MRI1: variants seen among roughly 807,000 people sequenced by gnomAD.
MRI1 encodes methylthioribose-1-phosphate isomerase.
In MRI1, 32 loss-of-function variants were observed where a neutral mutation model predicts 27.3. The observed-to-expected ratio is 1.17, with a 90% CI of 0.88 to 1.57. The LOEUF (loss-of-function observed/expected upper bound fraction) is 1.57, where lower values mean the gene tolerates loss of function less well. MRI1 is among the 40% of genes most tolerant of loss of function. MRI1 has a pLI of 0.00. For missense variants in MRI1, 508 were observed against 516.1 expected (o/e 0.98, Z 0.15); for synonymous variants, 216 against 227.4 (o/e 0.95, Z 0.45).
intron 3 of MRI1, among the ~76,000 whole-genome samples, chr19:13,768,013 T>C (rs1343990526): frequency 6.6e-6 from 1 of 151,616 alleles, no homozygotes; most frequent in African/African-American, 2.4e-5. Flanking sequence ...GGACTACAGG[T>C]GCCCGCCACC....
chr19:13,764,601 G>A lies in MRI1; in HGVS notation c.13G>A (p.Ala5Thr). 1 of 1,609,248 alleles carries A rather than the reference G, an allele frequency of 6.2e-7. No homozygotes were observed. Among genetic ancestry groups the A allele is most frequent in the Non-Finnish European group, 8.5e-7 (1 of 1,179,138 alleles). MTLE[A>T]IRYSRGSLQI... ...TGGCTGCTGCACCATGACCCTGGAG[G>A]CGATCCGCTACTCGCGGGGCTCCCT... The change falls in exon 1 of 6, where the codon GCG becomes ACG. Residue 5 changes from alanine (A) to threonine (T), a missense_variant. This residue lies in a region of MRI1 where 32 missense variants were observed against 20.2 expected (regional missense o/e 1.58). Coordinates refer to ENST00000040663, the MANE Select transcript of MRI1 (RefSeq NM_001031727.4).
At chr19:13,771,978 C>A in intron 5 of MRI1, 143 bp from the exon 6 acceptor site, 1 of 687,514 alleles carries the variant, frequency 1.5e-6, no homozygotes, top group Non-Finnish European at 2.5e-6. Context: ...TCCATGCCTG[C>A]ATGTACTTTT....
rs1048357422 is a variant in MRI1, at chr19:13,774,142, T to G, written c.*1861T>G. The G allele has an allele frequency of 2.6e-5, 6 of 234,848 alleles. No individual in the cohort carries two copies. The highest frequency in any genetic ancestry group is 4.9e-5 in the Non-Finnish European group (6 of 122,634). 14.5% of individuals were successfully genotyped at this position (234,848 alleles called of 1,614,324 possible). On this transcript the variant is annotated 3_prime_UTR_variant, in exon 6 of 6. Coordinates refer to ENST00000040663, the MANE Select transcript of MRI1 (RefSeq NM_001031727.4). ...AAAATATTGTTTACTATTACCAAAG[T>G]TTTTGAACCTTCTTAAATTCTGTAC...
rs1287103139 is a variant in MRI1, at chr19:13,766,145, CAG to C, written c.547+17_547+18del. ...ACAGCCCTAGGTGAGAGGGCCTCCT[CAG>C]GGGGTAGGGGAGGGCCTTCTAGGAA... On this transcript the variant is annotated intron_variant, in intron 3 of 5. Coordinates refer to ENST00000040663, the MANE Select transcript of MRI1 (RefSeq NM_001031727.4). 2.6e-6 allele frequency: 4 copies of C among 1,519,102 alleles called. No homozygotes were observed. The highest frequency in any genetic ancestry group is 1.3e-5 in the South Asian group (1 of 78,982). The allele number at this position is 1,519,102 out of a possible 1,614,324, so 94.1% of individuals were successfully genotyped here.
chr19:13,770,509 C>T (rs1946534986), intron 5 of MRI1, among the ~76,000 whole-genome samples: 1 of 151,778 alleles, frequency 6.6e-6, no homozygotes, highest in Admixed American at 6.6e-5. Context: ...ATTGCTTGAA[C>T]CTAGGACGCA....
At position 13,772,550 on chromosome 19, in the gene MRI1, C is replaced by T. The variant is rs1388702817; in HGVS notation, c.*269C>T. 2.7e-5 allele frequency: 8 copies of T among 294,626 alleles called. No homozygotes were observed. Among genetic ancestry groups the T allele is most frequent in the Middle Eastern group, 7.7e-4 (2 of 2,586 alleles). The allele number at this position is 294,626 out of a possible 1,614,324, so 18.3% of individuals were successfully genotyped here. ...CATTTATAAAATGTGGATAACAGGC[C>T]GGGCGCAGTGGCTCACACCTGTAAT... On this transcript the variant is annotated 3_prime_UTR_variant, in exon 6 of 6. Transcript: ENST00000040663.
rs567694623 is a variant in MRI1 at position 13,771,425 on chromosome 19, G to A, written c.950-696G>A. ...GCACATCTGTGGTCCCAGCTGCTCAGGAGGCTGCAGCAGGAGAATCGTTTG... is the reference window on the plus strand; with the variant it reads ...GCACATCTGTGGTCCCAGCTGCTCAAGAGGCTGCAGCAGGAGAATCGTTTG... On this transcript the variant is annotated intron_variant, in intron 5 of 5. Transcript: ENST00000040663. Among the ~76,000 whole-genome samples, 3 of 152,210 alleles carry A rather than the reference G, an allele frequency of 2.0e-5. No individual in the cohort carries two copies. The South Asian group carries it at 6.2e-4, about 32-fold the overall frequency.
Position 13,773,293 on chromosome 19 carries a change from C to A in MRI1, c.*1012C>A, listed in dbSNP as rs1022065856. On this transcript the variant is annotated 3_prime_UTR_variant, in exon 6 of 6. Transcript: ENST00000040663. Reference sequence around the variant, plus strand: ...AAAGTGCTGGGACTACAGGCATGAGCCACTGTGCCTGACCTTACAGCAGTA... The same window carrying A: ...AAAGTGCTGGGACTACAGGCATGAGACACTGTGCCTGACCTTACAGCAGTA... 2.0e-5 allele frequency: 3 copies of A among 152,142 alleles called. No homozygotes were observed. Among genetic ancestry groups the A allele is most frequent in the Admixed American group, 2.0e-4 (3 of 15,290 alleles). The allele number at this position is 152,142 out of a possible 1,614,324, so 9.4% of individuals were successfully genotyped here.
At chr19:13,767,118 C>T (rs80346234) in intron 3 of MRI1, among the ~76,000 whole-genome samples, 21,528 of 135,876 alleles carry the variant, frequency 0.16, 2,045 homozygotes, top group East Asian at 0.24. Context: ...ATGATCTCAG[C>T]TTACTACAAC....
Position 13,766,019 on chromosome 19 carries a change from T to G in MRI1, c.437T>G (p.Leu146Arg). 1 of 1,613,300 alleles carries G rather than the reference T, an allele frequency of 6.2e-7. No homozygotes were observed. Among genetic ancestry groups the G allele is most frequent in the Non-Finnish European group, 8.5e-7 (1 of 1,179,836 alleles). Reference protein sequence around the residue: ...DLRDNRSIGDLGARHLLERVA... With the variant: ...DLRDNRSIGDRGARHLLERVA... ...AGAGACAACCGAAGCATTGGGGACCTAGGAGCCCGCCACCTCCTGGAGCGG... is the reference window on the plus strand; with the variant it reads ...AGAGACAACCGAAGCATTGGGGACCGAGGAGCCCGCCACCTCCTGGAGCGG... The change falls in exon 3 of 6, where the codon CTA becomes CGA. Residue 146 changes from leucine (L) to arginine (R), a missense_variant. Around this residue, in one of 3 missense-constraint regions of MRI1, gnomAD observed 457 missense variants for 452.8 expected, o/e 1.01. Transcript: ENST00000040663.
chr19:13,768,944 G>A lies in MRI1; in HGVS notation c.845G>A (p.Ser282Asn). ...HGIPFYVAAP[S>N]SSCDLRLETG... ...ATTCCCTTCTACGTGGCTGCCCCCA[G>A]CTCTTCATGTGACCTCCGTCTGGAG... The change falls in exon 5 of 6, where the codon AGC (serine) becomes AAC (asparagine). Residue 282 changes from serine (S) to asparagine (N), a missense_variant. Ser to Asn is a conservative substitution (Grantham distance 46). This residue lies in a region of MRI1 where 457 missense variants were observed against 452.8 expected (regional missense o/e 1.01). Coordinates refer to ENST00000040663, the MANE Select transcript of MRI1 (RefSeq NM_001031727.4). 1 of 1,614,136 alleles carries A rather than the reference G, an allele frequency of 6.2e-7. No individual in the cohort carries two copies. The highest frequency in any genetic ancestry group is 1.7e-5 in the Admixed American group (1 of 60,002).
chr19:13,769,457 C>T (rs1297890219), intron 5 of MRI1, among the ~76,000 whole-genome samples: 2 of 152,094 alleles, frequency 1.3e-5, no homozygotes, highest in African/African-American at 4.8e-5. Context: ...AGCCACAGCA[C>T]GCCTGGCCCA....
At chr19:13,769,962 AT>A (rs1438196996) in intron 5 of MRI1, among the ~76,000 whole-genome samples, 1 of 151,730 alleles carries the variant, frequency 6.6e-6, no homozygotes, top group African/African-American at 2.4e-5. Flanking sequence ...TTCTACACTT[AT>A]TTTTATTTGT....
At position 13,772,156 on chromosome 19, in the gene MRI1, C is replaced by T. The variant is rs937473850; in HGVS notation, c.985C>T (p.Pro329Ser). The change falls in exon 6 of 6, where the codon CCC (proline) becomes TCC (serine). Residue 329 changes from proline (P) to serine (S), a missense_variant. By Grantham distance (74) the Pro-to-Ser change is moderately conservative. Coordinates refer to ENST00000040663, the MANE Select transcript of MRI1 (RefSeq NM_001031727.4). ...TTGGAATCCTGCCTTCGATGTCACC[C>T]CCCACGACCTCATCACTGGTGGCAT... ...GVWNPAFDVT[P>S]HDLITGGIIT... The T allele has an allele frequency of 4.3e-6, 7 of 1,613,686 alleles. No homozygotes were observed. Among genetic ancestry groups the T allele is most frequent in the Non-Finnish European group, 5.1e-6 (6 of 1,179,896 alleles).
rs754730419 is a variant in MRI1 at position 13,768,983 on chromosome 19, T to A, written c.884T>A (p.Ile295Asn). ...CDLRLETGKE[I>N]IIEERPGQEL... is the part of the protein sequence containing the mutation. Reference sequence around the variant, plus strand: ...CTCCGTCTGGAGACCGGCAAGGAGATCATTATTGAAGAGCGACCGGGCCAG... The same window carrying A: ...CTCCGTCTGGAGACCGGCAAGGAGAACATTATTGAAGAGCGACCGGGCCAG... Residue 295 changes from isoleucine (I) to asparagine (N), a missense_variant, in exon 5 of 6, where the codon ATC (isoleucine) becomes AAC (asparagine). By Grantham distance (149) the Ile-to-Asn change is moderately radical. Around this residue, in one of 3 missense-constraint regions of MRI1, gnomAD observed 457 missense variants for 452.8 expected, o/e 1.01. Coordinates refer to ENST00000040663, the MANE Select transcript of MRI1 (RefSeq NM_001031727.4). 19 of 1,613,920 alleles carry A rather than the reference T, an allele frequency of 1.2e-5. No homozygotes were observed. In the Middle Eastern group the frequency reaches 6.6e-4, roughly 56 times the overall value.
intron 3 of MRI1, 58 bp from the exon 4 acceptor site, chr19:13,768,503 C>T: frequency 1.3e-6 from 2 of 1,592,836 alleles, no homozygotes; most frequent in Admixed American, 1.7e-5. Flanking sequence ...AACCAATGGA[C>T]CACCCTGTCT....
At chr19:13,767,038 T>TATATATATATATA (rs1491251073) in intron 3 of MRI1, among the ~76,000 whole-genome samples, 18 of 14,410 alleles carry the variant, frequency 1.2e-3, no homozygotes, top group South Asian at 2.9e-3. Context: ...TATATATATA[T>TATATATATATATA]TTTTTTTTTT....
At chr19:13,767,008 C>T (rs1247812064) in intron 3 of MRI1, among the ~76,000 whole-genome samples, 10 of 49,594 alleles carry the variant, frequency 2.0e-4, no homozygotes, top group South Asian at 8.3e-4. Context: ...TGCACATCCA[C>T]ATATATATAT....
At chr19:13,772,004 A>G in intron 5 of MRI1, 117 bp from the exon 6 acceptor site, 1 of 932,918 alleles carries the variant, frequency 1.1e-6, no homozygotes. Context: ...GAGAATCCTC[A>G]GGTTCTCAAG....
Sources: gnomAD v4.1 joint callset for allele counts (sites outside exome capture counted in the v4.1 genomes callset) on GRCh38, gnomAD v4.1.1 for gene constraint, gnomAD v4.1.1 regional missense constraint, MANE v1.5 for transcripts, NCBI Gene and HGNC (gene_info 2026-07-23, HGNC 2026-07-21) for gene names.